Variants in SLC25A12 observed in about 807,000 individuals in gnomAD.
SLC25A12 encodes the protein solute carrier family 25 member 12, also known as electrogenic aspartate/glutamate antiporter SLC25A12, mitochondrial.
Under a neutral mutation model 83.3 loss-of-function variants are expected in SLC25A12, and 32 were observed. The ratio of observed to expected loss-of-function variants is 0.38; its 90% confidence interval spans 0.29 to 0.52. The LOEUF (loss-of-function observed/expected upper bound fraction) is 0.52, where lower values mean the gene tolerates loss of function less well. Ranked by LOEUF, SLC25A12 falls within the 20% of genes least tolerant of loss-of-function variation. SLC25A12 has a pLI of 0.84. For missense variants in SLC25A12, 611 were observed against 835.6 expected, an observed-to-expected ratio of 0.73 and a Z score of 3.31; for synonymous variants, 267 against 291.1, an observed-to-expected ratio of 0.92 and a Z score of 0.84.
intron 2 of SLC25A12, among the ~76,000 whole-genome samples, chr2:171,885,535 C>T (rs1211092172): frequency 6.6e-6 from 1 of 151,598 alleles, no homozygotes; most frequent in African/African-American, 2.4e-5. Context: ...CAAAAATTAG[C>T]TAGGCATGTG....
rs534559118 is a variant in SLC25A12, at chr2:171,850,717, T to C, written c.325+5117A>G. ...CTCAGGTGATCCTCCCGCCTCGGCC[T>C]CCCAAAGTGCTGGGATTACAGGCGT... is the stretch of plus-strand genomic sequence containing the variant. On this transcript the variant is annotated intron_variant, in intron 4 of 17. Transcript: ENST00000422440. Among the ~76,000 whole-genome samples the C allele has an allele frequency of 1.6e-3, 238 of 152,272 alleles. 1 individual carries two copies. The highest frequency in any genetic ancestry group is 5.5e-3 in the African/African-American group (228 of 41,560).
intron 13 of SLC25A12, among the ~76,000 whole-genome samples, chr2:171,806,174 T>C (rs537907786): frequency 6.6e-6 from 1 of 152,176 alleles, no homozygotes; most frequent in Non-Finnish European, 1.5e-5. Context: ...AAACAGATCA[T>C]AAAGACCGGG....
intron 13 of SLC25A12, among the ~76,000 whole-genome samples, chr2:171,806,830 A>G (rs1683843614): frequency 6.6e-6 from 1 of 152,212 alleles, no homozygotes; most frequent in African/African-American, 2.4e-5. Flanking sequence ...ACTCAGCCAA[A>G]AGCCATAAGG....
intron 3 of SLC25A12, among the ~76,000 whole-genome samples, chr2:171,864,470 T>C (rs1365957626): frequency 6.6e-6 from 1 of 152,138 alleles, no homozygotes; most frequent in Non-Finnish European, 1.5e-5. Context: ...AGGCTAAAAA[T>C]ACCTGCAAGA....
intron 8 of SLC25A12, among the ~76,000 whole-genome samples, chr2:171,827,880 G>C (rs752351159): frequency 6.6e-6 from 1 of 151,192 alleles, no homozygotes; most frequent in Non-Finnish European, 1.5e-5. Context: ...CCTCTCTATT[G>C]AGCCTTCATT....
intron 3 of SLC25A12, among the ~76,000 whole-genome samples, chr2:171,868,362 G>A (rs1472344137): frequency 7.5e-6 from 1 of 133,150 alleles, no homozygotes; most frequent in African/African-American, 2.8e-5. Flanking sequence ...TGCCCAGGCT[G>A]AAGTGCAGCA....
chr2:171,823,075 G>A (rs1271889034), intron 9 of SLC25A12, among the ~76,000 whole-genome samples: 1 of 152,140 alleles, frequency 6.6e-6, no homozygotes, highest in Non-Finnish European at 1.5e-5. Flanking sequence ...GAGTCACTAG[G>A]ATTGTAGTCT....
At chr2:171,887,500 T>C (rs1177431806) in intron 2 of SLC25A12, among the ~76,000 whole-genome samples, 1 of 152,196 alleles carries the variant, frequency 6.6e-6, no homozygotes, top group Non-Finnish European at 1.5e-5. Context: ...AAATAATTCA[T>C]TTAAATGTTT....
At chr2:171,838,687 TTGTC>T (rs1448425984) in intron 5 of SLC25A12, among the ~76,000 whole-genome samples, 1 of 152,192 alleles carries the variant, frequency 6.6e-6, no homozygotes, top group Non-Finnish European at 1.5e-5. Context: ...GTAGAATAGA[TTGTC>T]TGTTTTCTAT....
chr2:171,791,373 AG>A, intron 15 of SLC25A12, 77 bp downstream of exon 15: 1 of 1,211,216 alleles, frequency 8.3e-7, no homozygotes, highest in Non-Finnish European at 1.2e-6. Context: ...CCAGAAATAA[AG>A]GGGGAAAGTA....
chr2:171,882,915 G>A (rs940586953), intron 2 of SLC25A12, among the ~76,000 whole-genome samples: 4 of 152,288 alleles, frequency 2.6e-5, no homozygotes, highest in East Asian at 3.9e-4. Flanking sequence ...CAGACTGAGC[G>A]AATGAAGTTT....
chr2:171,866,289 C>A (rs1269376953), intron 3 of SLC25A12, among the ~76,000 whole-genome samples: 3 of 130,394 alleles, frequency 2.3e-5, no homozygotes, highest in Admixed American at 1.6e-4. Context: ...ACCTTTCCCC[C>A]CTTTCTATTC....
chr2:171,813,304 T>C (rs1202305973), intron 11 of SLC25A12, 35 bp downstream of exon 11: 1 of 1,612,524 alleles, frequency 6.2e-7, no homozygotes, highest in East Asian at 2.2e-5. Flanking sequence ...TGAGATCAAA[T>C]CACTAACTTC....
rs142912356 is a variant in SLC25A12, at chr2:171,787,879, C to T, written c.1654G>A (p.Ala552Thr). The T allele has an allele frequency of 6.2e-4, 999 of 1,614,216 alleles. 9 individuals are homozygous for T. The highest frequency in any genetic ancestry group is 3.8e-3 in the South Asian group (349 of 91,086). Reference protein sequence around the residue: ...IKTRLQVAARAGQTTYSGVID... With the variant: ...IKTRLQVAARTGQTTYSGVID... ...ACACCACTGTATGTCGTCTGGCCAGCGCGGGCAGCCACCTGCAGTCTTGTC... is the reference window on the plus strand; with the variant it reads ...ACACCACTGTATGTCGTCTGGCCAGTGCGGGCAGCCACCTGCAGTCTTGTC... Residue 552 changes from alanine to threonine, a missense_variant, in exon 16 of 18, where the codon GCT (alanine) becomes ACT (threonine). Around this residue, in one of 3 missense-constraint regions of SLC25A12, gnomAD observed 540 missense variants for 777.5 expected, o/e 0.69. Coordinates refer to ENST00000422440, the MANE Select transcript of SLC25A12 (RefSeq NM_003705.5).
chr2:171,786,035 T>C (rs919468794), intron 17 of SLC25A12, among the ~76,000 whole-genome samples: 2 of 152,018 alleles, frequency 1.3e-5, no homozygotes, highest in Admixed American at 1.3e-4. Flanking sequence ...ACTTTAGAAG[T>C]TAACTTTTTA....
intron 17 of SLC25A12, 133 bp from the exon 18 acceptor site, chr2:171,785,608 C>A (rs1240785808): frequency 2.6e-6 from 2 of 783,746 alleles, no homozygotes; most frequent in Non-Finnish European, 4.4e-6. Flanking sequence ...GGCATCTGTG[C>A]TGCATGACTA....
chr2:171,822,042 T>A (rs1684204435), intron 9 of SLC25A12, among the ~76,000 whole-genome samples: 2 of 152,178 alleles, frequency 1.3e-5, no homozygotes, highest in Admixed American at 6.5e-5. Flanking sequence ...TAAAAATTTT[T>A]AAAAACAGGC....
chr2:171,876,400 G>A (rs140495419), intron 2 of SLC25A12, among the ~76,000 whole-genome samples: 2 of 152,012 alleles, frequency 1.3e-5, no homozygotes, highest in African/African-American at 4.8e-5. Context: ...AACCAAAGAG[G>A]GAGTTTAGAT....
At chr2:171,874,090 G>C (rs969128923) in intron 2 of SLC25A12, among the ~76,000 whole-genome samples, 2 of 152,150 alleles carry the variant, frequency 1.3e-5, no homozygotes, top group Admixed American at 6.5e-5. Flanking sequence ...GACGGGTGTG[G>C]TGGCGCATGC....
Sources: gnomAD v4.1 joint callset for allele counts (sites outside exome capture counted in the v4.1 genomes callset) on GRCh38, gnomAD v4.1.1 for gene constraint, gnomAD v4.1.1 regional missense constraint, MANE v1.5 for transcripts, NCBI Gene and HGNC (gene_info 2026-07-23, HGNC 2026-07-21) for gene names.